Variants in PRAME observed in about 807,000 individuals in gnomAD.
PRAME encodes melanoma antigen preferentially expressed in tumors.
A neutral mutation model predicts 32.1 loss-of-function variants in PRAME; 21 were observed. The observed-to-expected ratio is 0.65, with a 90% CI of 0.46 to 0.94. PRAME has a LOEUF of 0.94. Ranked by LOEUF, PRAME falls within the 40% of genes least tolerant of loss-of-function variation. The probability of loss-of-function intolerance (pLI) is 0.00; values close to 1 mark genes in which losing one functional copy is unlikely to be tolerated. For missense variants in PRAME, 651 were observed against 622.3 expected, an observed-to-expected ratio of 1.05 and a Z score of -0.49; for synonymous variants, 274 against 251.5, an observed-to-expected ratio of 1.09 and a Z score of -0.85.
chr22:22,552,120 TAAA>T (rs546304889), intron 3 of PRAME, among the ~76,000 whole-genome samples: 1 of 119,780 alleles, frequency 8.3e-6, no homozygotes, highest in Non-Finnish European at 1.8e-5. Flanking sequence ...TCATCTCTAT[TAAA>T]AAAAAAAAAA....
chr22:22,548,753 G>A (rs760634822), intron 5 of PRAME, 110 bp from the exon 6 acceptor site: 16 of 972,362 alleles, frequency 1.6e-5, no homozygotes, highest in Admixed American at 4.9e-5. Context: ...ATGGTTAACC[G>A]CCAGGATGCC....
In PRAME at chr22:22,556,803, C is replaced by A. The variant is rs1167305034; in HGVS notation, c.21+9G>T. On this transcript the variant is annotated intron_variant, in intron 3 of 5. Coordinates refer to ENST00000405655, the MANE Select transcript of PRAME (RefSeq NM_206956.3). ...TGAGCACCTCAGACAGCTCAGGGGA[C>A]CTTCTTACCCACAAACGCCTTCGTT... is the stretch of plus-strand genomic sequence containing the variant. 4.3e-6 allele frequency: 7 copies of A among 1,612,558 alleles called. No homozygotes were observed. The highest frequency in any genetic ancestry group is 5.9e-6 in the Non-Finnish European group (7 of 1,179,820).
In PRAME at chr22:22,559,176, T is replaced by C. The variant is rs1385189485; in HGVS notation, c.-319A>G. ...GCTCCTTTTGTCGCCAATACAGACC[T>C]GTTGACAGGTCACGCCTGGGAAGCG... is the stretch of plus-strand genomic sequence containing the variant. On this transcript the variant is annotated 5_prime_UTR_variant, in exon 1 of 6. Transcript: ENST00000405655. 3 of 280,334 alleles carry C rather than the reference T, an allele frequency of 1.1e-5. No individual in the cohort carries two copies. Among genetic ancestry groups the C allele is most frequent in the South Asian group, 3.0e-5 (1 of 32,906 alleles). The allele number at this position is 280,334 out of a possible 1,614,324, so 17.4% of individuals were successfully genotyped here.
chr22:22,557,018 CT>C (rs1353408804), intron 2 of PRAME, 109 bp from the exon 3 acceptor site: 40 of 691,500 alleles, frequency 5.8e-5, no homozygotes, highest in Non-Finnish European at 8.9e-5. Flanking sequence ...AAACTGACAA[CT>C]GGCGACTCAA....
At chr22:22,549,609 T>C (rs2062447684) in intron 5 of PRAME, 117 bp downstream of exon 5, 1 of 1,318,480 alleles carries the variant, frequency 7.6e-7, no homozygotes, top group Non-Finnish European at 1.0e-6. Context: ...TGTTAACTGG[T>C]AGTGACTTGC....
At chr22:22,558,713 C>G (rs1283219259) in intron 1 of PRAME, among the ~76,000 whole-genome samples, 1 of 150,552 alleles carries the variant, frequency 6.6e-6, no homozygotes, top group Non-Finnish European at 1.5e-5. Flanking sequence ...GAGTGTGGGA[C>G]GGGGTGTTCT....
At chr22:22,555,721 C>T (rs2062866413) in intron 3 of PRAME, 4 of 389,634 alleles carry the variant, frequency 1.0e-5, no homozygotes, top group Admixed American at 5.6e-5. Flanking sequence ...CCTTTAGTTC[C>T]AGCACAAGTC....
Position 22,559,241 on chromosome 22 carries a change from C to G in PRAME, c.-384G>C, listed in dbSNP as rs1254082455. ...GAGCGGTGCTGAGGCGCTGCAGGCC[C>G]GGCTTCTGGCTGCGGGGGAGCTGTA... On this transcript the variant is annotated 5_prime_UTR_variant, in exon 1 of 6. Transcript: ENST00000405655. 1.3e-5 allele frequency: 4 copies of G among 311,998 alleles called. No homozygotes were observed. The highest frequency in any genetic ancestry group is 2.8e-5 in the South Asian group (1 of 36,146). The allele number at this position is 311,998 out of a possible 1,614,324, so 19.3% of individuals were successfully genotyped here.
chr22:22,558,534 G>A (rs1354556378), intron 1 of PRAME, among the ~76,000 whole-genome samples: 32 of 116,154 alleles, frequency 2.8e-4, no homozygotes, highest in African/African-American at 1.0e-3. Context: ...GAGTGGGGGA[G>A]GGGGTGGGGA....
At chr22:22,555,071 G>A (rs890437700) in intron 3 of PRAME, among the ~76,000 whole-genome samples, 2 of 152,020 alleles carry the variant, frequency 1.3e-5, no homozygotes, top group Admixed American at 6.6e-5. Context: ...GAAGTGAAAA[G>A]ACTGGGGCCC....
chr22:22,550,367 A>G, intron 4 of PRAME, 33 bp from the exon 5 acceptor site: 1 of 1,594,732 alleles, frequency 6.3e-7, no homozygotes, highest in Non-Finnish European at 8.5e-7. Flanking sequence ...AGCTGAGATG[A>G]TGCTTTAAGA....
chr22:22,548,173 C>T lies in PRAME; in HGVS notation c.1424G>A (p.Gly475Glu). ...ARLRELLCEL[G>E]RPSMVWLSAN... is the part of the protein sequence containing the mutation. ...ACTAAGCCAGACCATGCTGGGCCGC[C>T]CCAACTCACACAGCAACTCCCTGAG... The change falls in exon 6 of 6, where the codon GGG becomes GAG. Residue 475 changes from glycine (G) to glutamate (E), a missense_variant. Transcript: ENST00000405655. 6.2e-7 allele frequency: 1 copy of T among 1,613,814 alleles called. No individual in the cohort carries two copies. Among genetic ancestry groups the T allele is most frequent in the South Asian group, 1.1e-5 (1 of 91,072 alleles).
At chr22:22,556,097 G>T (rs1415552116) in intron 3 of PRAME, among the ~76,000 whole-genome samples, 2 of 151,456 alleles carry the variant, frequency 1.3e-5, no homozygotes, top group African/African-American at 4.9e-5. Context: ...GGGTTCAAGC[G>T]ATTCTCCTGC....
chr22:22,552,204 A>AT, intron 3 of PRAME, among the ~76,000 whole-genome samples: 1 of 151,106 alleles, frequency 6.6e-6, no homozygotes, highest in South Asian at 2.1e-4. Flanking sequence ...TCTATGGAAT[A>AT]TTTTTTAACC....
chr22:22,558,824 G>A (rs964586904), intron 1 of PRAME, 147 bp downstream of exon 1: 1 of 151,868 alleles, frequency 6.6e-6, no homozygotes, highest in African/African-American at 2.4e-5. Context: ...GCCGGTTCCA[G>A]GGTCCCCTGA....
At chr22:22,552,645 T>C (rs1255971137) in intron 3 of PRAME, among the ~76,000 whole-genome samples, 1 of 152,014 alleles carries the variant, frequency 6.6e-6, no homozygotes, top group Non-Finnish European at 1.5e-5. Flanking sequence ...TAAAAATGTT[T>C]GGGATTAAGG....
intron 2 of PRAME, chr22:22,557,293 G>A (rs557737800): frequency 1.7e-3 from 351 of 212,684 alleles, no homozygotes; most frequent in African/African-American, 7.2e-3. Flanking sequence ...TTACAAATGC[G>A]CACCCACCCT....
At position 22,548,155 on chromosome 22, in the gene PRAME, C is replaced by A. The variant is rs1334433070; in HGVS notation, c.1442G>T (p.Trp481Leu). ...LCELGRPSMV[W>L]LSANPCPHCG... ...GTGAGGACAGGGGTTGGCACTAAGC[C>A]AGACCATGCTGGGCCGCCCCAACTC... The change falls in exon 6 of 6, where the codon TGG becomes TTG. Residue 481 changes from tryptophan to leucine, a missense_variant. Transcript: ENST00000405655. 4 of 1,613,820 alleles carry A rather than the reference C, an allele frequency of 2.5e-6. No individual in the cohort carries two copies. The highest frequency in any genetic ancestry group is 2.5e-6 in the Non-Finnish European group (3 of 1,179,968).
At position 22,548,009 on chromosome 22, in the gene PRAME, C is replaced by G; in HGVS notation, c.*58G>C. 6.6e-7 allele frequency: 1 copy of G among 1,511,374 alleles called. No individual in the cohort carries two copies. Among genetic ancestry groups the G allele is most frequent in the Non-Finnish European group, 9.0e-7 (1 of 1,115,296 alleles). The allele number at this position is 1,511,374 out of a possible 1,614,324, so 93.6% of individuals were successfully genotyped here. ...CTGCTTTGTTGCTTCAAGATGCATG[C>G]ACATCCTGGCTTTAGTGTCCAAGTA... is the stretch of plus-strand genomic sequence containing the variant. On this transcript the variant is annotated 3_prime_UTR_variant, in exon 6 of 6. Transcript: ENST00000405655.
Sources: gnomAD v4.1 joint callset for allele counts (sites outside exome capture counted in the v4.1 genomes callset) on GRCh38, gnomAD v4.1.1 for gene constraint, MANE v1.5 for transcripts, NCBI Gene and HGNC (gene_info 2026-07-23, HGNC 2026-07-21) for gene names.